DYTN: variants seen among roughly 807,000 people sequenced by gnomAD.
The protein encoded by DYTN is dystrotelin.
In DYTN, 75 loss-of-function variants were observed where a neutral mutation model predicts 69.6. That is an observed-to-expected ratio of 1.08 (90% CI 0.89 to 1.31). The LOEUF (loss-of-function observed/expected upper bound fraction) is 1.31. DYTN is among the 50% of genes most tolerant of loss of function. DYTN has a pLI of 0.00. For synonymous variants in DYTN, 252 were observed against 249.1 expected (o/e 1.01, Z -0.11); for missense variants, 726 against 688.4 (o/e 1.05, Z -0.61).
chr2:206,663,410 CTTTA>C lies in DYTN; in HGVS notation c.1141-19_1141-16del, dbSNP rs1243443168. On this transcript the variant is annotated splice_polypyrimidine_tract_variant and intron_variant, in intron 10 of 11. Coordinates refer to ENST00000452335, the MANE Select transcript of DYTN (RefSeq NM_001093730.1). Reference sequence around the variant, plus strand: ...TGCAACCTTGCCTGGGGAAACAAAACTTTATTTATGAAGAAATTAATGTTTATCT... The same window carrying C: ...TGCAACCTTGCCTGGGGAAACAAAACTTTATGAAGAAATTAATGTTTATCT... 19 of 1,550,774 alleles carry C rather than the reference CTTTA, an allele frequency of 1.2e-5. No homozygotes were observed. Among genetic ancestry groups the C allele is most frequent in the South Asian group, 3.7e-5 (3 of 80,856 alleles).
At chr2:206,703,352 G>A (rs1047237276) in intron 5 of DYTN, among the ~76,000 whole-genome samples, 2 of 152,112 alleles carry the variant, frequency 1.3e-5, no homozygotes, top group Non-Finnish European at 2.9e-5. Context: ...CCACCTGCTC[G>A]AGTCTTGTGA....
At chr2:206,701,689 A>T (rs1231465581) in intron 5 of DYTN, among the ~76,000 whole-genome samples, 1 of 152,178 alleles carries the variant, frequency 6.6e-6, no homozygotes, top group Non-Finnish European at 1.5e-5. Context: ...TATAAGATTT[A>T]TAAATTCTGG....
chr2:206,696,174 G>A (rs1301091866), intron 7 of DYTN, among the ~76,000 whole-genome samples: 2 of 152,204 alleles, frequency 1.3e-5, no homozygotes, highest in East Asian at 3.9e-4. Context: ...GGCTGGGCTG[G>A]AGATTAAAGC....
Position 206,707,288 on chromosome 2 carries a change from G to C in DYTN, c.296+14C>G. On this transcript the variant is annotated intron_variant, in intron 3 of 11. Transcript: ENST00000452335. Reference sequence around the variant, plus strand: ...TTTGCCTTTGAGGTCACAGCGCGACGTCCACACCCTCACCTGTTGTACATT... The same window carrying C: ...TTTGCCTTTGAGGTCACAGCGCGACCTCCACACCCTCACCTGTTGTACATT... 1 of 1,608,820 alleles carries C rather than the reference G, an allele frequency of 6.2e-7. No individual in the cohort carries two copies. Among genetic ancestry groups the C allele is most frequent in the Non-Finnish European group, 8.5e-7 (1 of 1,177,812 alleles).
Position 206,674,111 on chromosome 2 carries a change from A to G in DYTN, c.981-8082T>C, listed in dbSNP as rs112003747. Among the ~76,000 whole-genome samples the G allele has an allele frequency of 1.3e-3, 198 of 152,312 alleles. 4 individuals are homozygous for G. The highest frequency in any genetic ancestry group is 4.6e-3 in the African/African-American group (193 of 41,574). On this transcript the variant is annotated intron_variant, in intron 9 of 11. Coordinates refer to ENST00000452335, the MANE Select transcript of DYTN (RefSeq NM_001093730.1). ...CTCTACTCTTCCAGAAAAATTATGC[A>G]ATTGGGCATATTAAATAGACCAAAG... is the stretch of plus-strand genomic sequence containing the variant.
At chr2:206,686,761 C>G (rs1699814017) in intron 9 of DYTN, 1 of 152,366 alleles carries the variant, frequency 6.6e-6, no homozygotes, top group African/African-American at 2.4e-5. Context: ...TCCATGTGCA[C>G]CAGTTGCAGC....
intron 9 of DYTN, among the ~76,000 whole-genome samples, chr2:206,672,511 G>A (rs766168859): frequency 6.6e-6 from 1 of 152,142 alleles, no homozygotes; most frequent in Non-Finnish European, 1.5e-5. Flanking sequence ...CTGTGTCTTG[G>A]CAGGTGTCCC....
At chr2:206,662,354 T>A (rs1699521271) in intron 11 of DYTN, among the ~76,000 whole-genome samples, 1 of 152,086 alleles carries the variant, frequency 6.6e-6, no homozygotes, top group African/African-American at 2.4e-5. Flanking sequence ...TATGTAAAGA[T>A]AACAAAATAC....
chr2:206,689,726 G>A (rs1433960152), intron 9 of DYTN, among the ~76,000 whole-genome samples: 1 of 152,166 alleles, frequency 6.6e-6, no homozygotes, highest in East Asian at 1.9e-4. Context: ...CAAAGCTTCT[G>A]TCTCTGTTCC....
intron 1 of DYTN, among the ~76,000 whole-genome samples, chr2:206,710,971 A>G (rs1467933905): frequency 6.6e-6 from 1 of 152,244 alleles, no homozygotes; most frequent in Non-Finnish European, 1.5e-5. Flanking sequence ...GCATAAATGA[A>G]AAAGACTCCA....
Position 206,663,032 on chromosome 2 carries a change from G to A in DYTN, c.1504C>T (p.Pro502Ser), listed in dbSNP as rs1001245833. 3 of 1,613,832 alleles carry A rather than the reference G, an allele frequency of 1.9e-6. No homozygotes were observed. The highest frequency in any genetic ancestry group is 1.6e-4 in the Middle Eastern group (1 of 6,062). ...PKMVPAEMSS[P>S]ALAAVEKKEA... ...TTCTTTTCCACGGCTGCCAGAGCAG[G>A]ACTGCTCATTTCAGCAGGAACCATT... Residue 502 changes from proline (P) to serine (S), a missense_variant, in exon 11 of 12, where the codon CCT becomes TCT. Transcript: ENST00000452335.
chr2:206,703,116 G>A (rs545050471), intron 5 of DYTN, among the ~76,000 whole-genome samples: 138 of 152,282 alleles, frequency 9.1e-4, no homozygotes, highest in African/African-American at 3.1e-3. Context: ...GGGGCGGAGT[G>A]CTGAGGGAGC....
At position 206,661,327 on chromosome 2, in the gene DYTN, C is replaced by T. The variant is rs545797676; in HGVS notation, c.1633+1576G>A. The stretch of plus-strand genomic sequence containing the variant: ...CAGAAATATTTTGAGAAGGCCTCCT[C>T]TGATGCAAAAACACATGAGTATTTT... On this transcript the variant is annotated intron_variant, in intron 11 of 11. Coordinates refer to ENST00000452335, the MANE Select transcript of DYTN (RefSeq NM_001093730.1). 2.0e-5 allele frequency among the ~76,000 whole-genome samples: 3 copies of T among 152,330 alleles called. No homozygotes were observed. The East Asian group carries it at 5.8e-4, about 29-fold the overall frequency.
At chr2:206,674,711 C>A (rs1699664334) in intron 9 of DYTN, among the ~76,000 whole-genome samples, 2 of 151,354 alleles carry the variant, frequency 1.3e-5, no homozygotes, top group Admixed American at 1.3e-4. Flanking sequence ...AATCTACAAA[C>A]AAGTGTAGAT....
At chr2:206,659,484 CAAAAAAAAAAAAAAA>C (rs772861150) in intron 11 of DYTN, among the ~76,000 whole-genome samples, 2 of 64,592 alleles carry the variant, frequency 3.1e-5, no homozygotes, top group Non-Finnish European at 5.9e-5. Flanking sequence ...CAACAATTCT[CAAAAAAAAAAAAAAA>C]AAAAAAAAAA....
chr2:206,651,883 C>T lies in DYTN; in HGVS notation c.1672G>A (p.Ala558Thr). 6.2e-7 allele frequency: 1 copy of T among 1,613,614 alleles called. No individual in the cohort carries two copies. Among genetic ancestry groups the T allele is most frequent in the Non-Finnish European group, 8.5e-7 (1 of 1,179,624 alleles). The change falls in exon 12 of 12, where the codon GCT (alanine) becomes ACT (threonine). Residue 558 changes from alanine to threonine, a missense_variant. Ala to Thr is a moderately conservative substitution (Grantham distance 58). Coordinates refer to ENST00000452335, the MANE Select transcript of DYTN (RefSeq NM_001093730.1). Reference sequence around the variant, plus strand: ...GAGAAGGCCCTGCACACTCGCTGAGCTCCACTGTACAGGTCCATGTTTACT... The same window carrying T: ...GAGAAGGCCCTGCACACTCGCTGAGTTCCACTGTACAGGTCCATGTTTACT... Reference protein sequence around the residue: ...SSVNMDLYSGAQRVCRAFSAL... With the variant: ...SSVNMDLYSGTQRVCRAFSAL...
At chr2:206,658,350 T>C (rs1244511421) in intron 11 of DYTN, among the ~76,000 whole-genome samples, 1 of 152,182 alleles carries the variant, frequency 6.6e-6, no homozygotes, top group Non-Finnish European at 1.5e-5. Context: ...TTGGAGCTCT[T>C]ACTTCTTTGT....
At chr2:206,707,245 G>A in intron 3 of DYTN, 57 bp downstream of exon 3, 1 of 1,558,666 alleles carries the variant, frequency 6.4e-7, no homozygotes, top group Non-Finnish European at 8.7e-7. Flanking sequence ...AATGGTAAAT[G>A]ACCACTGGAA....
At chr2:206,710,190 T>C (rs968447045) in intron 2 of DYTN, among the ~76,000 whole-genome samples, 4 of 152,354 alleles carry the variant, frequency 2.6e-5, no homozygotes, top group African/African-American at 9.6e-5. Context: ...AAATACTTTT[T>C]TTTTGCAATT....
Sources: gnomAD v4.1 joint callset for allele counts (sites outside exome capture counted in the v4.1 genomes callset) on GRCh38, gnomAD v4.1.1 for gene constraint, MANE v1.5 for transcripts, NCBI Gene and HGNC (gene_info 2026-07-23, HGNC 2026-07-21) for gene names.